PTPRM: variants seen among roughly 807,000 people sequenced by gnomAD.
PTPRM encodes protein tyrosine phosphatase receptor type M, also known as receptor-type tyrosine-protein phosphatase mu.
In PTPRM, 47 loss-of-function variants were observed where a neutral mutation model predicts 186.7. The observed-to-expected ratio is 0.25, with a 90% CI of 0.20 to 0.32. The LOEUF is 0.32. PTPRM is among the 10% of genes least tolerant of loss of function. PTPRM has a pLI of 1.00. For missense variants in PTPRM, 1,494 were observed against 1,865.0 expected (o/e 0.80, Z 3.66); for synonymous variants, 668 against 674.9 (o/e 0.99, Z 0.16).
intron 1 of PTPRM, among the ~76,000 whole-genome samples, chr18:7,736,758 C>A (rs1266016412): frequency 6.6e-6 from 1 of 152,208 alleles, no homozygotes; most frequent in Non-Finnish European, 1.5e-5. Flanking sequence ...TGAATAACAT[C>A]ACTTTCTAAA....
chr18:8,104,487 C>A (rs1046997161), intron 11 of PTPRM, among the ~76,000 whole-genome samples: 1 of 152,134 alleles, frequency 6.6e-6, no homozygotes, highest in East Asian at 1.9e-4. Flanking sequence ...CTCCATTGTC[C>A]AGGCTGGAGT....
intron 1 of PTPRM, among the ~76,000 whole-genome samples, chr18:7,697,389 TAAAC>T (rs1387165988): frequency 3.3e-5 from 5 of 152,134 alleles, no homozygotes; most frequent in African/African-American, 1.2e-4. Context: ...TCCTAGACTA[TAAAC>T]AAACAAGCAA....
At chr18:8,033,049 G>A (rs942742541) in intron 7 of PTPRM, among the ~76,000 whole-genome samples, 2 of 152,004 alleles carry the variant, frequency 1.3e-5, no homozygotes, top group African/African-American at 2.4e-5. Context: ...TGATGAATTT[G>A]ACTACATAGT....
chr18:7,612,217 G>T (rs1234998954), intron 1 of PTPRM, among the ~76,000 whole-genome samples: 1 of 151,986 alleles, frequency 6.6e-6, no homozygotes, highest in Non-Finnish European at 1.5e-5. Flanking sequence ...TGTATGACAG[G>T]CAATCTACTG....
chr18:7,897,900 AG>A (rs2049449885), intron 3 of PTPRM, among the ~76,000 whole-genome samples: 1 of 152,198 alleles, frequency 6.6e-6, no homozygotes, highest in Non-Finnish European at 1.5e-5. Flanking sequence ...AAAGTGAGGA[AG>A]GTTGTGTTAT....
In PTPRM at chr18:8,352,658, T is replaced by G. The variant is rs184349748; in HGVS notation, c.3054+9138T>G. Among the ~76,000 whole-genome samples, 44 of 127,438 alleles carry G rather than the reference T, an allele frequency of 3.5e-4. 1 individual carries two copies. Among genetic ancestry groups the G allele is most frequent in the African/African-American group, 7.6e-4 (29 of 38,050 alleles). The allele number at this position is 127,438 out of a possible 152,430, so 83.6% of individuals were successfully genotyped here. On this transcript the variant is annotated intron_variant, in intron 23 of 32. Coordinates refer to ENST00000580170, the MANE Select transcript of PTPRM (RefSeq NM_001105244.2). ...TTTTTTTTTTTTTTGGTTTGGTTTTTTTTGTTTGTTTGTTTGTTTGTTTTG... is the reference window on the plus strand; with the variant it reads ...TTTTTTTTTTTTTTGGTTTGGTTTTGTTTGTTTGTTTGTTTGTTTGTTTTG...
chr18:8,348,926 C>T lies in PTPRM; in HGVS notation c.3054+5406C>T, dbSNP rs184597332. 4.6e-5 allele frequency among the ~76,000 whole-genome samples: 7 copies of T among 152,224 alleles called. No individual in the cohort carries two copies. In the East Asian group the frequency reaches 1.4e-3, roughly 29 times the overall value. On this transcript the variant is annotated intron_variant, in intron 23 of 32. Coordinates refer to ENST00000580170, the MANE Select transcript of PTPRM (RefSeq NM_001105244.2). ...TTTTGGAGCTGAGAGAAGTGGGGAC[C>T]AGAGCTGTGGACCTCTATCACAGTA... is the stretch of plus-strand genomic sequence containing the variant.
At position 8,096,276 on chromosome 18, in the gene PTPRM, A is replaced by G. The variant is rs144151905; in HGVS notation, c.1856+7425A>G. 1.9e-3 allele frequency among the ~76,000 whole-genome samples: 287 copies of G among 152,322 alleles called. 1 individual carries two copies. Among genetic ancestry groups the G allele is most frequent in the Middle Eastern group, 6.8e-3 (2 of 294 alleles). On this transcript the variant is annotated intron_variant, in intron 11 of 32. Coordinates refer to ENST00000580170, the MANE Select transcript of PTPRM (RefSeq NM_001105244.2). ...AAGTTTTTTATCATACTGCTTTGCT[A>G]TCCCCAAAAGAACCCATGCCTGTCC...
chr18:7,848,640 G>A (rs1002052762), intron 2 of PTPRM, among the ~76,000 whole-genome samples: 1 of 151,978 alleles, frequency 6.6e-6, no homozygotes, highest in East Asian at 1.9e-4. Flanking sequence ...AGGAATGCCT[G>A]TAGTCCCAGC....
chr18:8,113,960 A>ATTTTTTTT (rs2091860976), intron 12 of PTPRM, among the ~76,000 whole-genome samples: 2 of 98,618 alleles, frequency 2.0e-5, no homozygotes, highest in African/African-American at 4.2e-5. Flanking sequence ...TTTTTTTTTG[A>ATTTTTTTT]TTGGGGGAGT....
chr18:7,851,187 C>T (rs755265288), intron 2 of PTPRM, among the ~76,000 whole-genome samples: 27 of 152,038 alleles, frequency 1.8e-4, no homozygotes, highest in African/African-American at 2.7e-4. Flanking sequence ...AACAAAAGAA[C>T]GGAAAACACC....
chr18:7,777,472 T>C (rs1283963171), intron 2 of PTPRM, among the ~76,000 whole-genome samples: 1 of 152,200 alleles, frequency 6.6e-6, no homozygotes, highest in Non-Finnish European at 1.5e-5. Context: ...AGTGAGAGTT[T>C]AGTAGTGGCA....
intron 2 of PTPRM, among the ~76,000 whole-genome samples, chr18:7,875,493 T>A (rs2146225816): frequency 6.6e-6 from 1 of 151,986 alleles, no homozygotes; most frequent in Non-Finnish European, 1.5e-5. Flanking sequence ...CTGGCTAGTT[T>A]TTTTGTATTT....
chr18:7,656,389 GA>G (rs1300862064), intron 1 of PTPRM, among the ~76,000 whole-genome samples: 1 of 152,144 alleles, frequency 6.6e-6, no homozygotes, highest in Admixed American at 6.5e-5. Context: ...ACAGAAAGTA[GA>G]ATTGTGGTTC....
At chr18:7,665,384 T>C (rs1336488509) in intron 1 of PTPRM, among the ~76,000 whole-genome samples, 2 of 152,184 alleles carry the variant, frequency 1.3e-5, no homozygotes, top group African/African-American at 4.8e-5. Context: ...TTTATGTGTA[T>C]TTTGAGATAT....
At chr18:7,804,741 A>G (rs2044149750) in intron 2 of PTPRM, among the ~76,000 whole-genome samples, 1 of 152,234 alleles carries the variant, frequency 6.6e-6, no homozygotes, top group Non-Finnish European at 1.5e-5. Context: ...ATGAAAGAAA[A>G]TCATGCTTTT....
rs1248044307 is a variant in PTPRM at position 8,289,484 on chromosome 18, A to ATG, written c.2755-6883_2755-6882insGT. On this transcript the variant is annotated intron_variant, in intron 19 of 32. Transcript: ENST00000580170. ...CATATATATACACACATATGTATAT[A>ATG]TATACATATATGTATATATGTGTGT... is the stretch of plus-strand genomic sequence containing the variant. Among the ~76,000 whole-genome samples, 27 of 142,876 alleles carry ATG rather than the reference A, an allele frequency of 1.9e-4. 3 individuals are homozygous for ATG. Among genetic ancestry groups the ATG allele is most frequent in the African/African-American group, 6.2e-4 (24 of 38,546 alleles). 93.7% of individuals were successfully genotyped at this position (142,876 alleles called of 152,430 possible). A position where few individuals can be genotyped will look rare whatever the true frequency, so the allele number is the denominator to read the frequency against.
chr18:8,401,319 A>G (rs1046971374), intron 32 of PTPRM, among the ~76,000 whole-genome samples: 3 of 152,110 alleles, frequency 2.0e-5, no homozygotes, highest in Non-Finnish European at 2.9e-5. Flanking sequence ...AAAGATAGAG[A>G]TTAAGGGAAT....
chr18:8,116,722 T>C (rs1401172968), intron 13 of PTPRM, among the ~76,000 whole-genome samples: 1 of 152,252 alleles, frequency 6.6e-6, no homozygotes, highest in South Asian at 2.1e-4. Flanking sequence ...GTTTTCACAA[T>C]AGATTGAATT....
Sources: allele counts gnomAD v4.1 joint callset (sites outside exome capture counted in the v4.1 genomes callset), GRCh38; gene constraint gnomAD v4.1.1; transcripts MANE v1.5; gene names NCBI Gene and HGNC (gene_info 2026-07-23, HGNC 2026-07-21).